Variants in ZCCHC4 observed in about 807,000 individuals in gnomAD.
ZCCHC4 encodes zinc finger CCHC-type containing 4.
ZCCHC4 carries 54 observed loss-of-function variants against 67.7 expected under a neutral mutation model. The observed-to-expected ratio is 0.80, with a 90% CI of 0.64 to 1.00. ZCCHC4 has a LOEUF of 1.00. Among genes scored for constraint, ZCCHC4 ranks in the 50% least tolerant of loss-of-function variants. The pLI is 0.00. For synonymous variants in ZCCHC4, 198 were observed against 213.5 expected, an observed-to-expected ratio of 0.93 and a Z score of 0.63; for missense variants, 609 against 617.0, an observed-to-expected ratio of 0.99 and a Z score of 0.14.
intron 5 of ZCCHC4, among the ~76,000 whole-genome samples, chr4:25,336,072 TTTG>T (rs948231381): frequency 5.5e-4 from 84 of 152,358 alleles, no homozygotes; most frequent in African/African-American, 2.0e-3. Flanking sequence ...TTCAGTGGTT[TTTG>T]TTGTTATCAC....
intron 5 of ZCCHC4, among the ~76,000 whole-genome samples, 158 bp downstream of exon 5, chr4:25,334,146 G>A (rs1390027170): frequency 6.6e-6 from 1 of 152,164 alleles, no homozygotes; most frequent in Non-Finnish European, 1.5e-5. Context: ...AATTCAACAT[G>A]TAATCTGTAT....
intron 8 of ZCCHC4, among the ~76,000 whole-genome samples, chr4:25,356,565 T>C (rs972713525): frequency 1.1e-4 from 16 of 151,724 alleles, no homozygotes; most frequent in Non-Finnish European, 2.1e-4. Flanking sequence ...TCTTTTTTTT[T>C]CCCTCTCTTC....
chr4:25,364,878 T>A, intron 11 of ZCCHC4, 144 bp from the exon 12 acceptor site: 1 of 1,108,062 alleles, frequency 9.0e-7, no homozygotes, highest in East Asian at 2.6e-5. Context: ...TTCTCCCTGG[T>A]CTCTTTAGCC....
chr4:25,338,598 A>G (rs1719583054), intron 5 of ZCCHC4, among the ~76,000 whole-genome samples: 1 of 152,112 alleles, frequency 6.6e-6, no homozygotes, highest in African/African-American at 2.4e-5. Flanking sequence ...TTCTATCTTT[A>G]TGGATATGCT....
At chr4:25,332,268 A>G (rs539185045) in intron 3 of ZCCHC4, among the ~76,000 whole-genome samples, 67 of 145,878 alleles carry the variant, frequency 4.6e-4, no homozygotes, top group African/African-American at 1.6e-3. Context: ...AGATTGCGCC[A>G]CGGCACTCTA....
intron 3 of ZCCHC4, among the ~76,000 whole-genome samples, chr4:25,319,964 A>G (rs1485188566): frequency 5.3e-5 from 8 of 152,148 alleles, no homozygotes; most frequent in Non-Finnish European, 7.3e-5. Flanking sequence ...CTTTTCATTG[A>G]CTAATTTATT....
chr4:25,312,890 G>A lies in ZCCHC4; in HGVS notation c.81G>A (p.Val27=). Residue 27 remains valine, a synonymous_variant, in exon 1 of 13, where the codon GTG becomes GTA. Coordinates refer to ENST00000302874, the MANE Select transcript of ZCCHC4 (RefSeq NM_024936.3). ...GCCGGGGAAGCTCGGGAATGGAGGT[G>A]GTGCTTCCTTTGGATCCTGCCGTCC... The part of the protein sequence containing the change: ...AGCRGSSGME[V]VLPLDPAVPA... The A allele has an allele frequency of 6.2e-7, 1 of 1,613,004 alleles. No individual in the cohort carries two copies. Among genetic ancestry groups the A allele is most frequent in the Non-Finnish European group, 8.5e-7 (1 of 1,180,026 alleles).
Position 25,352,199 on chromosome 4 carries a change from G to A in ZCCHC4, c.1011+510G>A, listed in dbSNP as rs1409053777. On this transcript the variant is annotated intron_variant, in intron 8 of 12. Transcript: ENST00000302874. Reference sequence around the variant, plus strand: ...GGCTCTGTGTGAATGTGTTGATTCCGGGAGGAAGTTACTGGAGTGAGTAAC... The same window carrying A: ...GGCTCTGTGTGAATGTGTTGATTCCAGGAGGAAGTTACTGGAGTGAGTAAC... The A allele has an allele frequency of 3.1e-5, 31 of 985,506 alleles. No individual in the cohort carries two copies. In the East Asian group the frequency reaches 1.6e-3, roughly 51 times the overall value. 61.0% of individuals were successfully genotyped at this position (985,506 alleles called of 1,614,324 possible). A position where few individuals can be genotyped will look rare whatever the true frequency, so the allele number is the denominator to read the frequency against.
In ZCCHC4 at chr4:25,351,702, T is replaced by C; in HGVS notation, c.1011+13T>C. 3 of 1,579,324 alleles carry C rather than the reference T, an allele frequency of 1.9e-6. No homozygotes were observed. Among genetic ancestry groups the C allele is most frequent in the Non-Finnish European group, 2.6e-6 (3 of 1,155,816 alleles). ...GCTGGATTACCAGGTAGAGTACATA[T>C]TCTGTTTTCTGGCATGGTTGGGGAA... On this transcript the variant is annotated intron_variant, in intron 8 of 12. Transcript: ENST00000302874.
At chr4:25,337,299 CA>C (rs1416576956) in intron 5 of ZCCHC4, among the ~76,000 whole-genome samples, 3 of 152,222 alleles carry the variant, frequency 2.0e-5, no homozygotes, top group Non-Finnish European at 4.4e-5. Context: ...GAGCCTCACA[CA>C]ATGTTGCTAG....
Position 25,335,682 on chromosome 4 carries a change from C to T in ZCCHC4, c.686+1694C>T, listed in dbSNP as rs576411952. On this transcript the variant is annotated intron_variant, in intron 5 of 12. Transcript: ENST00000302874. The stretch of plus-strand genomic sequence containing the variant: ...GGCTGAGGTCAGAGGATTGCTTGAC[C>T]CCAGAAGGTAGAGGTTGTAGTGAGC... Among the ~76,000 whole-genome samples, 9 of 152,220 alleles carry T rather than the reference C, an allele frequency of 5.9e-5. No homozygotes were observed. In the South Asian group the frequency reaches 1.9e-3, roughly 32 times the overall value.
chr4:25,337,495 A>G (rs1237955918), intron 5 of ZCCHC4, among the ~76,000 whole-genome samples: 2 of 152,230 alleles, frequency 1.3e-5, no homozygotes, highest in African/African-American at 2.4e-5. Context: ...GCAAAACTCC[A>G]GAGAGTGTTC....
intron 6 of ZCCHC4, among the ~76,000 whole-genome samples, chr4:25,347,431 T>C (rs316780): frequency 0.23 from 35,346 of 152,156 alleles, 5,285 homozygotes; most frequent in African/African-American, 0.42. Context: ...AGCCCCACTT[T>C]ATCTTCCCTG....
intron 3 of ZCCHC4, among the ~76,000 whole-genome samples, chr4:25,319,931 A>G (rs937255503): frequency 3.9e-5 from 6 of 152,088 alleles, no homozygotes; most frequent in African/African-American, 1.2e-4. Flanking sequence ...CAAATTTTTC[A>G]TGTTTTTGTG....
In ZCCHC4 at chr4:25,333,482, A is replaced by C. The variant is rs1245131792; in HGVS notation, c.605+24A>C. On this transcript the variant is annotated intron_variant, in intron 4 of 12. Coordinates refer to ENST00000302874, the MANE Select transcript of ZCCHC4 (RefSeq NM_024936.3). ...AGGTATGTCATGTGATTTTTTAAAG[A>C]ATTATCTTCTCACCACTATTGAAAC... The C allele has an allele frequency of 1.9e-6, 3 of 1,610,440 alleles. No individual in the cohort carries two copies. In the Admixed American group the frequency reaches 5.0e-5, roughly 27 times the overall value.
chr4:25,357,325 A>G (rs1371407561), intron 8 of ZCCHC4, among the ~76,000 whole-genome samples: 1 of 152,234 alleles, frequency 6.6e-6, no homozygotes, highest in African/African-American at 2.4e-5. Flanking sequence ...CCTGAAATGT[A>G]GTGACTGAAC....
chr4:25,321,791 A>G (rs1220128741), intron 3 of ZCCHC4, among the ~76,000 whole-genome samples: 1 of 152,208 alleles, frequency 6.6e-6, no homozygotes, highest in East Asian at 1.9e-4. Flanking sequence ...CTGGGATTAC[A>G]GGTGTGAGCC....
intron 6 of ZCCHC4, among the ~76,000 whole-genome samples, chr4:25,347,686 T>C (rs1406557666): frequency 2.0e-5 from 3 of 152,218 alleles, no homozygotes. Context: ...CTTAGGAGAA[T>C]AGAATACTCT....
At chr4:25,341,632 A>G (rs1238891873) in intron 5 of ZCCHC4, among the ~76,000 whole-genome samples, 1 of 152,172 alleles carries the variant, frequency 6.6e-6, no homozygotes, top group African/African-American at 2.4e-5. Context: ...ACCCAATCTC[A>G]GGTATTCTTT....
Sources: allele counts gnomAD v4.1 joint callset (sites outside exome capture counted in the v4.1 genomes callset), GRCh38; gene constraint gnomAD v4.1.1; transcripts MANE v1.5; gene names NCBI Gene and HGNC (gene_info 2026-07-23, HGNC 2026-07-21).